Variants in MTR observed in about 807,000 individuals in gnomAD.
The protein encoded by MTR is methionine synthase.
MTR carries 84 observed loss-of-function variants against 154.8 expected under a neutral mutation model. The ratio of observed to expected loss-of-function variants is 0.54; its 90% CI spans 0.45 to 0.65. The LOEUF is 0.65. Ranked by LOEUF, MTR falls within the 30% of genes least tolerant of loss-of-function variation. The pLI, the probability that MTR is intolerant of heterozygous loss-of-function variation, is 0.00. For missense variants in MTR, 1,275 were observed against 1,570.2 expected (o/e 0.81, Z 3.18); for synonymous variants, 554 against 553.9 (o/e 1.00, Z 0.00).
At chr1:236,844,135 A>AG (rs1663424556) in intron 15 of MTR, among the ~76,000 whole-genome samples, 1 of 152,130 alleles carries the variant, frequency 6.6e-6, no homozygotes, top group Non-Finnish European at 1.5e-5. Flanking sequence ...GTATGGTAGG[A>AG]GGGGAGTCAG....
In MTR at chr1:236,898,069, T is replaced by G. The variant is rs565848419; in HGVS notation, c.*425T>G. Reference sequence around the variant, plus strand: ...AGAGAAGTGTGACCCTGTGACAAAATGATACTGTGAGAAATGGGGCATTTT... The same window carrying G: ...AGAGAAGTGTGACCCTGTGACAAAAGGATACTGTGAGAAATGGGGCATTTT... On this transcript the variant is annotated 3_prime_UTR_variant, in exon 33 of 33. Coordinates refer to ENST00000366577, the MANE Select transcript of MTR (RefSeq NM_000254.3). 4.8e-6 allele frequency: 1 copy of G among 210,152 alleles called. No homozygotes were observed. The highest frequency in any genetic ancestry group is 2.4e-5 in the African/African-American group (1 of 42,074). The allele number at this position is 210,152 out of a possible 1,614,324, so 13.0% of individuals were successfully genotyped here. A position where few individuals can be genotyped will look rare whatever the true frequency, so the allele number is the denominator to read the frequency against.
intron 3 of MTR, 118 bp from the exon 4 acceptor site, chr1:236,808,586 G>A (rs1661120246): frequency 3.0e-6 from 3 of 1,005,668 alleles, no homozygotes; most frequent in Middle Eastern, 4.1e-4. Context: ...TCAGACCTCA[G>A]ATTAATTCAC....
At chr1:236,829,524 G>A (rs914222935) in intron 12 of MTR, among the ~76,000 whole-genome samples, 4 of 152,118 alleles carry the variant, frequency 2.6e-5, no homozygotes, top group Non-Finnish European at 4.4e-5. Context: ...GTGGGAGCTC[G>A]ATGGTCCTAT....
At chr1:236,891,391 A>G (rs1332651130) in intron 29 of MTR, 62 bp downstream of exon 29, 3 of 1,502,824 alleles carry the variant, frequency 2.0e-6, no homozygotes, top group South Asian at 1.1e-5. Context: ...GCACTACACA[A>G]AAGAGCTTTG....
In MTR at chr1:236,896,206, C is replaced by T. The variant is rs971246008; in HGVS notation, c.3598+656C>T. Among the ~76,000 whole-genome samples, 2 of 152,142 alleles carry T rather than the reference C, an allele frequency of 1.3e-5. 1 individual carries two copies. Among genetic ancestry groups the T allele is most frequent in the South Asian group, 4.1e-4 (2 of 4,822 alleles). ...GTTCTGTGGCTGCACATTGTCATGT[C>T]AATGTCCTGGTTCTGTCATTACTGC... On this transcript the variant is annotated intron_variant, in intron 31 of 32. Coordinates refer to ENST00000366577, the MANE Select transcript of MTR (RefSeq NM_000254.3).
At chr1:236,847,018 C>G (rs1663616613) in intron 15 of MTR, among the ~76,000 whole-genome samples, 1 of 152,178 alleles carries the variant, frequency 6.6e-6, no homozygotes, top group South Asian at 2.1e-4. Context: ...TCCCAAGTAG[C>G]TGGGACTACA....
At chr1:236,883,393 T>C (rs766990086) in intron 25 of MTR, among the ~76,000 whole-genome samples, 2 of 152,144 alleles carry the variant, frequency 1.3e-5, no homozygotes, top group Non-Finnish European at 2.9e-5. Flanking sequence ...TTCATGGGGC[T>C]GTGCAAGGTG....
chr1:236,819,750 T>C, intron 8 of MTR: 1 of 746,256 alleles, frequency 1.3e-6, no homozygotes, highest in Non-Finnish European at 2.5e-6. Context: ...GCAGTACATC[T>C]ATAAAAGGAA....
In MTR at chr1:236,852,605, A is replaced by C; in HGVS notation, c.1780A>C (p.Met594Leu). The change falls in exon 17 of 33, where the codon ATG becomes CTG. Residue 594 changes from methionine (M) to leucine (L), a missense_variant. Physicochemically the swap from Met to Leu is conservative, Grantham distance 15. Transcript: ENST00000366577. The part of the protein sequence containing the change: ...FRGMEAIREA[M>L]HGVFLYHAIK... ...AGGAATGGAAGCCATTCGAGAAGCAATGCATGGGGTTTTCCTTTACCATGC... is the reference window on the plus strand; with the variant it reads ...AGGAATGGAAGCCATTCGAGAAGCACTGCATGGGGTTTTCCTTTACCATGC... 6.2e-7 allele frequency: 1 copy of C among 1,614,026 alleles called. No homozygotes were observed. Among genetic ancestry groups the C allele is most frequent in the Non-Finnish European group, 8.5e-7 (1 of 1,179,950 alleles).
chr1:236,894,861 T>C, intron 30 of MTR: 1 of 435,316 alleles, frequency 2.3e-6, no homozygotes, highest in Non-Finnish European at 4.1e-6. Context: ...ATGTGACATT[T>C]TCCTCAGTAC....
intron 7 of MTR, among the ~76,000 whole-genome samples, 180 bp downstream of exon 7, chr1:236,815,843 G>A (rs183865760): frequency 3.9e-5 from 6 of 152,206 alleles, no homozygotes. Context: ...TATATCTGGA[G>A]AGGCAAGGAA....
rs576874107 is a variant in MTR at position 236,810,108 on chromosome 1, A to T, written c.410-395A>T. Among the ~76,000 whole-genome samples, 4 of 152,338 alleles carry T rather than the reference A, an allele frequency of 2.6e-5. No individual in the cohort carries two copies. In the South Asian group the frequency reaches 8.3e-4, roughly 32 times the overall value. ...AATTTGTCCAAACACAGCTGTGGTG[A>T]TAGAAAAGGATTACTTACTGAAATG... On this transcript the variant is annotated intron_variant, in intron 4 of 32. Coordinates refer to ENST00000366577, the MANE Select transcript of MTR (RefSeq NM_000254.3).
chr1:236,812,677 C>A, intron 5 of MTR, 61 bp from the exon 6 acceptor site: 1 of 1,330,304 alleles, frequency 7.5e-7, no homozygotes, highest in Non-Finnish European at 1.1e-6. Flanking sequence ...ACTCGAGATA[C>A]CCTAGGGCCA....
intron 3 of MTR, 69 bp from the exon 4 acceptor site, chr1:236,808,635 G>A: frequency 2.1e-6 from 3 of 1,436,276 alleles, no homozygotes; most frequent in Admixed American, 1.7e-5. Flanking sequence ...GTATTAGATG[G>A]TCATGAATCC....
chr1:236,815,925 A>T (rs998015960), intron 7 of MTR, among the ~76,000 whole-genome samples: 2 of 152,110 alleles, frequency 1.3e-5, no homozygotes, highest in African/African-American at 4.8e-5. Context: ...CTTGAAGCCA[A>T]AGGCTTCAAG....
intron 24 of MTR, among the ~76,000 whole-genome samples, chr1:236,875,560 A>G (rs1454161868): frequency 4.6e-5 from 7 of 152,220 alleles, no homozygotes; most frequent in Admixed American, 4.6e-4. Flanking sequence ...CAGCATTATC[A>G]TACTGGAACA....
intron 22 of MTR, among the ~76,000 whole-genome samples, chr1:236,872,873 G>A (rs1665218139): frequency 1.3e-5 from 2 of 152,148 alleles, no homozygotes; most frequent in African/African-American, 4.8e-5. Flanking sequence ...GTTTAGTGGG[G>A]CATGCCTGTG....
chr1:236,802,144 G>C (rs1331539837), intron 1 of MTR, among the ~76,000 whole-genome samples: 1 of 152,168 alleles, frequency 6.6e-6, no homozygotes, highest in African/African-American at 2.4e-5. Flanking sequence ...GTAGATGTTG[G>C]TTATCAGGGA....
In MTR at chr1:236,804,925, C is replaced by T. The variant is rs182980992; in HGVS notation, c.250-1219C>T. Among the ~76,000 whole-genome samples the T allele has an allele frequency of 6.6e-5, 10 of 150,506 alleles. No individual in the cohort carries two copies. The East Asian group carries it at 1.9e-3, about 29-fold the overall frequency. On this transcript the variant is annotated intron_variant, in intron 2 of 32. Transcript: ENST00000366577. The stretch of plus-strand genomic sequence containing the variant: ...ACGTATCATTCTATTTTTTTTTTTA[C>T]TTAACAATACTTTGCAGAATCTTTC...
Sources: allele counts gnomAD v4.1 joint callset (sites outside exome capture counted in the v4.1 genomes callset), GRCh38; gene constraint gnomAD v4.1.1; transcripts MANE v1.5; gene names NCBI Gene and HGNC (gene_info 2026-07-23, HGNC 2026-07-21).